Variants in HSF5 observed in about 807,000 individuals in gnomAD.
HSF5 encodes heat shock transcription factor 5.
A neutral mutation model predicts 50.8 loss-of-function variants in HSF5; 5 were observed. The observed-to-expected ratio is 0.10, with a 90% CI of 0.05 to 0.21. HSF5 has a LOEUF of 0.21. HSF5 is among the 10% of genes least tolerant of loss of function. The pLI is 1.00. For missense variants in HSF5, 564 were observed against 762.6 expected, an observed-to-expected ratio of 0.74 and a Z score of 3.07; for synonymous variants, 307 against 307.4, an observed-to-expected ratio of 1.00 and a Z score of 0.02.
At chr17:58,466,851 G>T in intron 3 of HSF5, 34 bp downstream of exon 3, 1 of 1,294,786 alleles carries the variant, frequency 7.7e-7, no homozygotes, top group Non-Finnish European at 1.1e-6. Context: ...TGCACATAAA[G>T]CGCGGAGCAT....
chr17:58,484,127 C>T (rs1975135325), intron 1 of HSF5, among the ~76,000 whole-genome samples: 1 of 151,694 alleles, frequency 6.6e-6, no homozygotes, highest in Non-Finnish European at 1.5e-5. Flanking sequence ...AACACAATTC[C>T]CTAGTGAACC....
chr17:58,486,728 A>T (rs1295283047), intron 1 of HSF5, among the ~76,000 whole-genome samples: 1 of 152,134 alleles, frequency 6.6e-6, no homozygotes, highest in African/African-American at 2.4e-5. Flanking sequence ...AACAACGTCT[A>T]CCATTCTACA....
intron 5 of HSF5, among the ~76,000 whole-genome samples, chr17:58,452,964 G>A (rs1268772434): frequency 6.6e-6 from 1 of 152,218 alleles, no homozygotes; most frequent in Non-Finnish European, 1.5e-5. Flanking sequence ...GAGCCCAGGA[G>A]GCTGAGGCTG....
At chr17:58,475,548 A>T (rs1383310563) in intron 2 of HSF5, among the ~76,000 whole-genome samples, 1 of 152,216 alleles carries the variant, frequency 6.6e-6, no homozygotes, top group Non-Finnish European at 1.5e-5. Context: ...GATATCTGTC[A>T]AATATCACAA....
Position 58,485,363 on chromosome 17 carries a change from A to T in HSF5, c.550+2362T>A, listed in dbSNP as rs148815389. On this transcript the variant is annotated intron_variant, in intron 1 of 5. Transcript: ENST00000323777. ...GATTACACCCTGTTGGTTTCTTGGT[A>T]TACTGCTTCATATCATGGACTCTTT... Among the ~76,000 whole-genome samples the T allele has an allele frequency of 1.2e-3, 182 of 152,300 alleles. 3 individuals carry two copies. Among genetic ancestry groups the T allele is most frequent in the African/African-American group, 4.3e-3 (179 of 41,564 alleles).
intron 5 of HSF5, among the ~76,000 whole-genome samples, chr17:58,433,457 C>T (rs562806108): frequency 1.4e-4 from 22 of 152,066 alleles, no homozygotes; most frequent in South Asian, 4.2e-4. Context: ...TCGGAGACAC[C>T]ACTACAAAGG....
chr17:58,466,364 T>C (rs1974866678), intron 3 of HSF5, among the ~76,000 whole-genome samples: 2 of 152,228 alleles, frequency 1.3e-5, no homozygotes, highest in South Asian at 2.1e-4. Context: ...ACTTACACAC[T>C]TGTAGCGTTT....
chr17:58,437,211 C>T (rs1974438953), intron 5 of HSF5, among the ~76,000 whole-genome samples: 1 of 152,092 alleles, frequency 6.6e-6, no homozygotes, highest in South Asian at 2.1e-4. Flanking sequence ...ATAAAAGCTA[C>T]TGTGAACCCT....
chr17:58,481,672 C>CT (rs1284202206), intron 1 of HSF5, among the ~76,000 whole-genome samples: 1 of 152,216 alleles, frequency 6.6e-6, no homozygotes, highest in East Asian at 1.9e-4. Flanking sequence ...AGTTACATAT[C>CT]TGTCATTCTA....
At chr17:58,442,208 TGG>T (rs1974507427) in intron 5 of HSF5, among the ~76,000 whole-genome samples, 1 of 152,188 alleles carries the variant, frequency 6.6e-6, no homozygotes, top group Non-Finnish European at 1.5e-5. Context: ...TCTTCCATGG[TGG>T]TGGAATGCTT....
chr17:58,486,507 ATG>A (rs1417073162), intron 1 of HSF5, among the ~76,000 whole-genome samples: 1 of 152,256 alleles, frequency 6.6e-6, no homozygotes, highest in Non-Finnish European at 1.5e-5. Flanking sequence ...AAGGCTGTAA[ATG>A]TGAGCTTTCT....
chr17:58,443,032 C>T (rs1288600435), intron 5 of HSF5, among the ~76,000 whole-genome samples: 1 of 152,014 alleles, frequency 6.6e-6, no homozygotes, highest in Non-Finnish European at 1.5e-5. Context: ...CCTCAGTTCC[C>T]GAGTATCTGG....
At chr17:58,442,893 A>C (rs1598185369) in intron 5 of HSF5, among the ~76,000 whole-genome samples, 1 of 148,770 alleles carries the variant, frequency 6.7e-6, no homozygotes, top group Admixed American at 6.7e-5. Context: ...ATGCAGCACC[A>C]CACCCAGCTA....
intron 5 of HSF5, among the ~76,000 whole-genome samples, chr17:58,423,682 T>A (rs1183882829): frequency 6.6e-6 from 1 of 152,046 alleles, no homozygotes; most frequent in Non-Finnish European, 1.5e-5. Context: ...GGTTTCACTA[T>A]GTTGGCCAGA....
intron 2 of HSF5, among the ~76,000 whole-genome samples, chr17:58,467,496 G>T (rs1267654485): frequency 6.6e-6 from 1 of 152,236 alleles, no homozygotes; most frequent in Non-Finnish European, 1.5e-5. Flanking sequence ...GCAGATCACA[G>T]AGCCAGACTG....
intron 5 of HSF5, 42 bp downstream of exon 5, chr17:58,458,726 C>T (rs1489982852): frequency 9.3e-6 from 14 of 1,505,638 alleles, no homozygotes; most frequent in African/African-American, 5.6e-5. Flanking sequence ...AATTCTACAG[C>T]GTGATTCTAC....
chr17:58,434,007 G>A (rs1280406099), intron 5 of HSF5, among the ~76,000 whole-genome samples: 4 of 141,826 alleles, frequency 2.8e-5, no homozygotes, highest in Admixed American at 1.5e-4. Flanking sequence ...TCCGCCTCCC[G>A]GATTCAATTG....
At chr17:58,440,274 G>T (rs1598184370) in intron 5 of HSF5, among the ~76,000 whole-genome samples, 1 of 152,160 alleles carries the variant, frequency 6.6e-6, no homozygotes, top group Non-Finnish European at 1.5e-5. Flanking sequence ...AAATGTCAGA[G>T]ACTGGGCTTG....
At chr17:58,476,110 G>C in intron 2 of HSF5, 1 of 889,192 alleles carries the variant, frequency 1.1e-6, no homozygotes, top group Non-Finnish European at 1.7e-6. Context: ...AGGAAGGTCA[G>C]AATCCATCAG....
Sources: allele counts gnomAD v4.1 joint callset (sites outside exome capture counted in the v4.1 genomes callset), GRCh38; gene constraint gnomAD v4.1.1; transcripts MANE v1.5; gene names NCBI Gene and HGNC (gene_info 2026-07-23, HGNC 2026-07-21).